Variants in FAM184B observed in about 807,000 individuals in gnomAD.
FAM184B encodes the protein protein FAM184B.
A neutral mutation model predicts 135.9 loss-of-function variants in FAM184B; 111 were observed. That is an observed-to-expected ratio of 0.82 (90% CI 0.70 to 0.96). FAM184B has a LOEUF of 0.96. Ranked by LOEUF, FAM184B falls within the 40% of genes least tolerant of loss-of-function variation. The pLI is 0.00. For synonymous variants in FAM184B, 552 were observed against 524.8 expected (o/e 1.05, Z -0.71); for missense variants, 1,375 against 1,323.9 (o/e 1.04, Z -0.60).
At chr4:17,765,073 AAAAG>A (rs1718629519) in intron 1 of FAM184B, among the ~76,000 whole-genome samples, 1 of 152,152 alleles carries the variant, frequency 6.6e-6, no homozygotes, top group South Asian at 2.1e-4. Context: ...AAAAAAGAAA[AAAAG>A]AAAGTAATTC....
chr4:17,769,343 G>A (rs1279711904), intron 1 of FAM184B, among the ~76,000 whole-genome samples: 2 of 152,126 alleles, frequency 1.3e-5, no homozygotes, highest in Non-Finnish European at 2.9e-5. Flanking sequence ...TATACTTATA[G>A]ATTTAGGTTT....
At chr4:17,667,186 C>G (rs1446891618) in intron 7 of FAM184B, among the ~76,000 whole-genome samples, 2 of 152,046 alleles carry the variant, frequency 1.3e-5, no homozygotes, top group Admixed American at 1.3e-4. Flanking sequence ...TCTCAAACTC[C>G]TGGGCTCAAG....
chr4:17,646,598 G>A (rs1296292156), intron 12 of FAM184B, among the ~76,000 whole-genome samples: 1 of 152,018 alleles, frequency 6.6e-6, no homozygotes, highest in Non-Finnish European at 1.5e-5. Flanking sequence ...GGGTAGTGGG[G>A]AGGGATAGCA....
chr4:17,712,151 G>T (rs146364578), intron 1 of FAM184B, among the ~76,000 whole-genome samples: 1 of 152,178 alleles, frequency 6.6e-6, no homozygotes, highest in African/African-American at 2.4e-5. Flanking sequence ...GTTTTATTTG[G>T]TGGGTGTGAC....
intron 1 of FAM184B, among the ~76,000 whole-genome samples, chr4:17,721,399 A>AAAAAAAAAAAAAAAAAG: frequency 6.7e-6 from 1 of 149,910 alleles, no homozygotes; most frequent in South Asian, 2.1e-4. Context: ...AAAAAAAAAA[A>AAAAAAAAAAAAAAAAAG]AAAAAAATCT....
intron 5 of FAM184B, among the ~76,000 whole-genome samples, chr4:17,700,372 A>G (rs1716958235): frequency 6.6e-6 from 1 of 152,204 alleles, no homozygotes; most frequent in African/African-American, 2.4e-5. Flanking sequence ...GAATATACAT[A>G]TATTATCAGA....
chr4:17,758,303 G>T (rs144413359), intron 1 of FAM184B, among the ~76,000 whole-genome samples: 2 of 152,316 alleles, frequency 1.3e-5, no homozygotes, highest in East Asian at 1.9e-4. Flanking sequence ...AAGCAGCAAT[G>T]CTTCATGATA....
chr4:17,649,020 G>A (rs537769894), intron 11 of FAM184B, among the ~76,000 whole-genome samples: 34 of 152,262 alleles, frequency 2.2e-4, no homozygotes, highest in African/African-American at 7.5e-4. Context: ...TCACTTTTCT[G>A]TAATGAGCTT....
At chr4:17,746,825 G>A (rs1325833346) in intron 1 of FAM184B, among the ~76,000 whole-genome samples, 2 of 151,782 alleles carry the variant, frequency 1.3e-5, no homozygotes, top group African/African-American at 2.4e-5. Context: ...ATCACCTGAG[G>A]TCAGGAGTTC....
chr4:17,642,347 C>T (rs1386391802), intron 12 of FAM184B, 119 bp from the exon 13 acceptor site: 12 of 1,374,624 alleles, frequency 8.7e-6, no homozygotes, highest in Non-Finnish European at 1.1e-5. Flanking sequence ...AGGCTGGAGC[C>T]TGTGGCAGGC....
chr4:17,678,617 A>G (rs1716369169), intron 7 of FAM184B, among the ~76,000 whole-genome samples: 1 of 152,230 alleles, frequency 6.6e-6, no homozygotes, highest in African/African-American at 2.4e-5. Flanking sequence ...AGCAATCTGC[A>G]AATTCAATGC....
intron 1 of FAM184B, among the ~76,000 whole-genome samples, chr4:17,776,963 T>C (rs144056368): frequency 1.3e-4 from 20 of 152,256 alleles, no homozygotes; most frequent in African/African-American, 4.8e-4. Flanking sequence ...CGCAAAACAA[T>C]TTGGCAATTT....
At chr4:17,740,378 G>A (rs1718007232) in intron 1 of FAM184B, among the ~76,000 whole-genome samples, 1 of 139,352 alleles carries the variant, frequency 7.2e-6, no homozygotes, top group African/African-American at 2.7e-5. Context: ...AAAAAAGTCT[G>A]TGGAGTCATA....
chr4:17,753,744 T>C (rs1382948753), intron 1 of FAM184B, among the ~76,000 whole-genome samples: 3 of 152,186 alleles, frequency 2.0e-5, no homozygotes, highest in East Asian at 1.9e-4. Context: ...GGGTGATTTA[T>C]TGGGGAACTT....
rs199549580 is a variant in FAM184B, at chr4:17,632,043, A to ATTTTTTTTTTTTTTTTTTTTTTTTTT, written c.*463_*488dup. 4.3e-5 allele frequency: 5 copies of ATTTTTTTTTTTTTTTTTTTTTTTTTT among 117,620 alleles called. No individual in the cohort carries two copies. The highest frequency in any genetic ancestry group is 7.1e-5 in the Non-Finnish European group (4 of 56,564). The allele number at this position is 117,620 out of a possible 1,614,324, so 7.3% of individuals were successfully genotyped here. A position where few individuals can be genotyped will look rare whatever the true frequency, so the allele number is the denominator to read the frequency against. On this transcript the variant is annotated 3_prime_UTR_variant, in exon 18 of 18. Transcript: ENST00000265018. Reference sequence around the variant, plus strand: ...TTTTAATAACACTGGTTTAATGTCAATTTTTTTTTTTTTTTTTTTTTTTTT... The same window carrying ATTTTTTTTTTTTTTTTTTTTTTTTTT: ...TTTTAATAACACTGGTTTAATGTCAATTTTTTTTTTTTTTTTTTTTTTTTTTTTTTTTTTTTTTTTTTTTTTTTTTT...
chr4:17,708,527 C>T (rs566662333), intron 2 of FAM184B, among the ~76,000 whole-genome samples: 1 of 150,958 alleles, frequency 6.6e-6, no homozygotes, highest in South Asian at 2.1e-4. Flanking sequence ...CACTTGTATT[C>T]CCAGCTACTA....
At chr4:17,744,296 C>A (rs546533133) in intron 1 of FAM184B, among the ~76,000 whole-genome samples, 1 of 152,044 alleles carries the variant, frequency 6.6e-6, no homozygotes, top group Non-Finnish European at 1.5e-5. Context: ...CCAGGGGCTG[C>A]GAATTATGAG....
chr4:17,767,256 A>AGT (rs1422077626), intron 1 of FAM184B, among the ~76,000 whole-genome samples: 5 of 152,188 alleles, frequency 3.3e-5, no homozygotes, highest in Non-Finnish European at 7.4e-5. Context: ...GGGCTCCTGC[A>AGT]GTGCAGCGGT....
intron 1 of FAM184B, among the ~76,000 whole-genome samples, chr4:17,749,022 CAG>C (rs1037436309): frequency 1.4e-5 from 2 of 140,742 alleles, no homozygotes; most frequent in African/African-American, 5.4e-5. Context: ...TTTTAAGAGA[CAG>C]GGGCTCGCTA....
Sources: gnomAD v4.1 joint callset for allele counts (sites outside exome capture counted in the v4.1 genomes callset) on GRCh38, gnomAD v4.1.1 for gene constraint, MANE v1.5 for transcripts, NCBI Gene and HGNC (gene_info 2026-07-23, HGNC 2026-07-21) for gene names.